Variants in RBFOX1 observed in about 807,000 individuals in gnomAD.
RBFOX1 encodes the protein RNA binding protein fox-1 homolog 1.
A neutral mutation model predicts 57.7 loss-of-function variants in RBFOX1; 8 were observed. That is an observed-to-expected ratio of 0.14 (90% CI 0.08 to 0.25). The LOEUF (loss-of-function observed/expected upper bound fraction) is 0.25. Among genes scored for constraint, RBFOX1 ranks in the 10% least tolerant of loss-of-function variants. RBFOX1 has a pLI of 1.00. For synonymous variants in RBFOX1, 326 were observed against 222.4 expected (o/e 1.47, Z -4.15); for missense variants, 611 against 548.5 (o/e 1.11, Z -1.14).
intron 1 of RBFOX1, among the ~76,000 whole-genome samples, chr16:5,452,614 A>G (rs1189976473): frequency 2.0e-5 from 3 of 150,922 alleles, no homozygotes; most frequent in Non-Finnish European, 4.4e-5. Context: ...ACTGCTACCC[A>G]GTGACCTTTC....
At chr16:6,934,419 G>A (rs1385413383) in intron 3 of RBFOX1, among the ~76,000 whole-genome samples, 1 of 152,160 alleles carries the variant, frequency 6.6e-6, no homozygotes, top group African/African-American at 2.4e-5. Flanking sequence ...AGGGAGACCT[G>A]CCTTTACATG....
chr16:7,613,848 A>T (rs1363472945), intron 10 of RBFOX1, among the ~76,000 whole-genome samples: 1 of 152,142 alleles, frequency 6.6e-6, no homozygotes, highest in East Asian at 1.9e-4. Flanking sequence ...AAAAGTTAAG[A>T]TTGTCTAGAA....
intron 11 of RBFOX1, among the ~76,000 whole-genome samples, chr16:7,634,809 T>TACTC (rs2061508094): frequency 6.6e-6 from 1 of 152,192 alleles, no homozygotes; most frequent in Non-Finnish European, 1.5e-5. Context: ...CCTAATAAAC[T>TACTC]ACTCTCATCC....
At chr16:6,664,839 C>G (rs563902179) in intron 3 of RBFOX1, among the ~76,000 whole-genome samples, 2 of 152,326 alleles carry the variant, frequency 1.3e-5, no homozygotes, top group South Asian at 2.1e-4. Context: ...TCAAACGGAT[C>G]TGGAGTTGAA....
intron 4 of RBFOX1, among the ~76,000 whole-genome samples, chr16:7,426,616 G>A (rs891807297): frequency 2.0e-5 from 3 of 152,152 alleles, no homozygotes; most frequent in South Asian, 4.1e-4. Context: ...AAAATTAGGC[G>A]CACGCTGTGC....
intron 4 of RBFOX1, among the ~76,000 whole-genome samples, chr16:7,109,379 C>G (rs2064218096): frequency 6.6e-6 from 1 of 152,084 alleles, no homozygotes; most frequent in African/African-American, 2.4e-5. Context: ...TGACTACTGC[C>G]AATGAGATTA....
intron 4 of RBFOX1, among the ~76,000 whole-genome samples, chr16:7,121,823 G>A (rs184110340): frequency 1.4e-3 from 209 of 151,944 alleles, no homozygotes; most frequent in African/African-American, 4.5e-3. Flanking sequence ...AACCAGTAAA[G>A]GAGAAGACAC....
At chr16:5,434,339 T>TTTTTTTTTTAG (rs2067849510) in intron 1 of RBFOX1, among the ~76,000 whole-genome samples, 1 of 147,058 alleles carries the variant, frequency 6.8e-6, no homozygotes, top group African/African-American at 2.5e-5. Context: ...TTTTTTTTTT[T>TTTTTTTTTTAG]GAGGCAGGGT....
intron 3 of RBFOX1, among the ~76,000 whole-genome samples, chr16:5,606,136 C>T (rs770148073): frequency 6.6e-6 from 1 of 152,148 alleles, no homozygotes. Context: ...TGACATATTT[C>T]AGCAGCTCTC....
intron 1 of RBFOX1, among the ~76,000 whole-genome samples, chr16:6,163,626 C>T (rs1453516251): frequency 6.6e-6 from 1 of 152,104 alleles, no homozygotes; most frequent in African/African-American, 2.4e-5. Context: ...GTGTCTTAGC[C>T]TCAAGATAGC....
intron 1 of RBFOX1, among the ~76,000 whole-genome samples, chr16:6,301,833 A>ATGCAAGCATTT (rs2078855677): frequency 6.6e-6 from 1 of 152,204 alleles, no homozygotes. Context: ...TCAGAATTAT[A>ATGCAAGCATTT]TGCAAGCATT....
chr16:6,327,245 A>T (rs1270070487), intron 2 of RBFOX1, among the ~76,000 whole-genome samples: 1 of 151,902 alleles, frequency 6.6e-6, no homozygotes. Context: ...TTGCTCTCTC[A>T]TTCCCTGCGA....
chr16:6,039,776 A>G (rs1376295642), intron 1 of RBFOX1, among the ~76,000 whole-genome samples: 2 of 152,240 alleles, frequency 1.3e-5, no homozygotes, highest in Non-Finnish European at 2.9e-5. Context: ...TGCAAAACAT[A>G]CCAATGAAAA....
intron 3 of RBFOX1, among the ~76,000 whole-genome samples, chr16:6,681,327 C>CA (rs903539859): frequency 7.9e-5 from 12 of 151,138 alleles, no homozygotes; most frequent in Admixed American, 3.9e-4. Flanking sequence ...GGAAAAAAAA[C>CA]AAAAAAATAT....
At chr16:6,270,963 G>A (rs1400321074) in intron 1 of RBFOX1, among the ~76,000 whole-genome samples, 1 of 152,178 alleles carries the variant, frequency 6.6e-6, no homozygotes, top group African/African-American at 2.4e-5. Context: ...TAAAGAAGGA[G>A]TCTCCAGGAA....
At chr16:5,251,715 T>A (rs988151285) in intron 1 of RBFOX1, among the ~76,000 whole-genome samples, 4 of 151,844 alleles carry the variant, frequency 2.6e-5, no homozygotes, top group African/African-American at 9.7e-5. Context: ...CTGAGGAAAT[T>A]TTCTGGGGTG....
chr16:5,967,913 T>C (rs2059880649), intron 4 of RBFOX1, among the ~76,000 whole-genome samples: 1 of 152,190 alleles, frequency 6.6e-6, no homozygotes, highest in Admixed American at 6.5e-5. Context: ...TCCCTACCAT[T>C]CCTCTGTTTT....
chr16:6,586,188 G>T (rs2097612975), intron 2 of RBFOX1, among the ~76,000 whole-genome samples: 1 of 152,206 alleles, frequency 6.6e-6, no homozygotes, highest in Non-Finnish European at 1.5e-5. Flanking sequence ...AGTTGTTTGT[G>T]CATTCAGACT....
At chr16:6,884,106 A>G (rs190789193) in intron 3 of RBFOX1, among the ~76,000 whole-genome samples, 1 of 152,210 alleles carries the variant, frequency 6.6e-6, no homozygotes, top group Non-Finnish European at 1.5e-5. Context: ...GATGCGCTGC[A>G]GAAGAAGAGA....
Sources: allele counts gnomAD v4.1 joint callset (sites outside exome capture counted in the v4.1 genomes callset), GRCh38; gene constraint gnomAD v4.1.1; transcripts MANE v1.5; gene names NCBI Gene and HGNC (gene_info 2026-07-23, HGNC 2026-07-21).